PDGFD: variants seen among roughly 807,000 people sequenced by gnomAD.
PDGFD encodes platelet derived growth factor D, also known as platelet-derived growth factor D.
In PDGFD, 30 loss-of-function variants were observed where a neutral mutation model predicts 44.7. The observed-to-expected ratio is 0.67, with a 90% CI of 0.50 to 0.91. The LOEUF is 0.91. Ranked by LOEUF, PDGFD falls within the 40% of genes least tolerant of loss-of-function variation. The probability of loss-of-function intolerance (pLI) is 0.00; values close to 1 mark genes in which losing one functional copy is unlikely to be tolerated. For synonymous variants in PDGFD, 173 were observed against 168.4 expected, an observed-to-expected ratio of 1.03 and a Z score of -0.21; for missense variants, 445 against 457.8, an observed-to-expected ratio of 0.97 and a Z score of 0.25.
At chr11:103,919,136 GGAAACTT>G (rs1357684463) in intron 6 of PDGFD, among the ~76,000 whole-genome samples, 1 of 152,122 alleles carries the variant, frequency 6.6e-6, no homozygotes, top group Non-Finnish European at 1.5e-5. Flanking sequence ...ACAAAGCCAG[GGAAACTT>G]GACGTCTACT....
At chr11:104,004,163 G>A (rs1591116801) in intron 1 of PDGFD, among the ~76,000 whole-genome samples, 1 of 152,246 alleles carries the variant, frequency 6.6e-6, no homozygotes, top group South Asian at 2.1e-4. Flanking sequence ...ATAAATGAAT[G>A]CCAATTACAT....
chr11:104,075,084 A>AAT (rs1382373571), intron 1 of PDGFD, among the ~76,000 whole-genome samples: 1 of 152,188 alleles, frequency 6.6e-6, no homozygotes. Flanking sequence ...ACTTTTTCCT[A>AAT]ATGATCCAGG....
At chr11:103,953,149 T>C (rs1303999077) in intron 3 of PDGFD, among the ~76,000 whole-genome samples, 2 of 152,168 alleles carry the variant, frequency 1.3e-5, no homozygotes, top group Non-Finnish European at 2.9e-5. Flanking sequence ...TTTGTATATA[T>C]ACAAGATGTG....
intron 1 of PDGFD, among the ~76,000 whole-genome samples, chr11:104,117,846 A>G (rs1861664523): frequency 6.6e-6 from 1 of 151,998 alleles, no homozygotes; most frequent in Non-Finnish European, 1.5e-5. Flanking sequence ...TCTCATCAAA[A>G]TACCACCATC....
At chr11:103,956,059 G>C (rs1362297483) in intron 3 of PDGFD, among the ~76,000 whole-genome samples, 1 of 135,912 alleles carries the variant, frequency 7.4e-6, no homozygotes, top group Non-Finnish European at 1.6e-5. Flanking sequence ...ACTGAACTTA[G>C]TTTGGGAATT....
At chr11:104,137,611 C>A (rs895137132) in intron 1 of PDGFD, among the ~76,000 whole-genome samples, 5 of 152,018 alleles carry the variant, frequency 3.3e-5, no homozygotes, top group Non-Finnish European at 5.9e-5. Flanking sequence ...CTCACTTTGC[C>A]ACAGACCACC....
At chr11:104,025,767 A>G (rs557854730) in intron 1 of PDGFD, among the ~76,000 whole-genome samples, 3 of 152,326 alleles carry the variant, frequency 2.0e-5, no homozygotes, top group African/African-American at 7.2e-5. Flanking sequence ...CAGGGCAGCA[A>G]CAGTGTCTGC....
intron 3 of PDGFD, among the ~76,000 whole-genome samples, chr11:103,995,156 C>T (rs1488060235): frequency 2.6e-5 from 4 of 152,126 alleles, no homozygotes; most frequent in African/African-American, 7.2e-5. Flanking sequence ...GTTGGGATTA[C>T]AGGCATGAGC....
At chr11:104,145,836 A>G (rs771108039) in intron 1 of PDGFD, among the ~76,000 whole-genome samples, 1 of 152,188 alleles carries the variant, frequency 6.6e-6, no homozygotes, top group Non-Finnish European at 1.5e-5. Context: ...GGGCTCTAAT[A>G]GTATAGGACA....
intron 4 of PDGFD, 81 bp from the exon 5 acceptor site, chr11:103,943,731 A>C (rs1482750590): frequency 8.4e-7 from 1 of 1,191,776 alleles, no homozygotes; most frequent in Non-Finnish European, 1.2e-6. Flanking sequence ...ATACGGAAGG[A>C]ACATAAACAG....
chr11:104,075,520 G>T (rs910851481), intron 1 of PDGFD, among the ~76,000 whole-genome samples: 2 of 151,936 alleles, frequency 1.3e-5, no homozygotes, highest in South Asian at 2.1e-4. Context: ...TAGAGTTGGG[G>T]TCTTGCTCGG....
intron 1 of PDGFD, among the ~76,000 whole-genome samples, chr11:104,079,806 TAA>T (rs10553465): frequency 0.47 from 71,766 of 151,760 alleles, 18,829 homozygotes; most frequent in African/African-American, 0.71. Flanking sequence ...TATATATATA[TAA>T]AACCACATCC....
chr11:104,115,922 T>C (rs1279290670), intron 1 of PDGFD, among the ~76,000 whole-genome samples: 1 of 152,096 alleles, frequency 6.6e-6, no homozygotes, highest in African/African-American at 2.4e-5. Context: ...GAGTTTGTTG[T>C]AGATTCTGGA....
At chr11:103,989,412 C>A (rs1242679400) in intron 3 of PDGFD, among the ~76,000 whole-genome samples, 1 of 152,196 alleles carries the variant, frequency 6.6e-6, no homozygotes, top group Non-Finnish European at 1.5e-5. Context: ...GCTTTCCAGC[C>A]CAGGACAGCA....
intron 1 of PDGFD, among the ~76,000 whole-genome samples, chr11:104,032,727 T>C (rs2455078): frequency 6.6e-6 from 1 of 151,972 alleles, no homozygotes; most frequent in African/African-American, 2.4e-5. Context: ...AAAATAACTT[T>C]GGGGTTATTT....
At chr11:103,922,477 C>A (rs191066595) in intron 6 of PDGFD, among the ~76,000 whole-genome samples, 1 of 152,270 alleles carries the variant, frequency 6.6e-6, no homozygotes, top group Admixed American at 6.5e-5. Flanking sequence ...GATTTTCTGA[C>A]CTTCCCATGT....
At chr11:103,964,458 A>G (rs555947243) in intron 3 of PDGFD, among the ~76,000 whole-genome samples, 12 of 152,320 alleles carry the variant, frequency 7.9e-5, no homozygotes, top group African/African-American at 2.9e-4. Context: ...CTAACTCATG[A>G]GAGAGCCAGG....
intron 1 of PDGFD, among the ~76,000 whole-genome samples, chr11:104,071,415 T>A (rs1208993812): frequency 6.6e-6 from 1 of 151,546 alleles, no homozygotes; most frequent in Admixed American, 6.6e-5. Flanking sequence ...TATGGGTATA[T>A]TTATATTTGA....
At chr11:103,923,623 T>G (rs1467419836) in intron 6 of PDGFD, among the ~76,000 whole-genome samples, 2 of 152,114 alleles carry the variant, frequency 1.3e-5, no homozygotes, top group African/African-American at 4.8e-5. Flanking sequence ...GGACTAGAAT[T>G]TTTCCCTAAT....
Sources: gnomAD v4.1 joint callset for allele counts (sites outside exome capture counted in the v4.1 genomes callset) on GRCh38, gnomAD v4.1.1 for gene constraint, MANE v1.5 for transcripts, NCBI Gene and HGNC (gene_info 2026-07-23, HGNC 2026-07-21) for gene names.